Variants in LANCL2 observed in about 807,000 individuals in gnomAD.
The protein encoded by LANCL2 is lanC-like protein 2.
LANCL2 carries 33 observed loss-of-function variants against 56.9 expected under a neutral mutation model. The ratio of observed to expected loss-of-function variants is 0.58; its 90% confidence interval spans 0.44 to 0.78. The LOEUF (loss-of-function observed/expected upper bound fraction) is 0.78. LANCL2 is among the 30% of genes least tolerant of loss of function. LANCL2 has a pLI of 0.00. For missense variants in LANCL2, 562 were observed against 580.2 expected (o/e 0.97, Z 0.32); for synonymous variants, 233 against 228.2 (o/e 1.02, Z -0.19).
At chr7:55,390,185 G>C (rs1790170058) in intron 1 of LANCL2, among the ~76,000 whole-genome samples, 1 of 152,126 alleles carries the variant, frequency 6.6e-6, no homozygotes. Context: ...CCATTAATTT[G>C]CCTATGCTTA....
chr7:55,412,445 A>G (rs1790481834), intron 6 of LANCL2, among the ~76,000 whole-genome samples: 2 of 152,148 alleles, frequency 1.3e-5, no homozygotes, highest in Non-Finnish European at 2.9e-5. Context: ...ATTTTCACAT[A>G]ATTTTATTTT....
intron 1 of LANCL2, among the ~76,000 whole-genome samples, chr7:55,371,434 G>A (rs1393707984): frequency 6.6e-6 from 1 of 152,170 alleles, no homozygotes; most frequent in Non-Finnish European, 1.5e-5. Flanking sequence ...ATGTTGCCCA[G>A]GCTGGTCTCA....
At chr7:55,395,273 C>T (rs747866088) in intron 2 of LANCL2, among the ~76,000 whole-genome samples, 2 of 151,584 alleles carry the variant, frequency 1.3e-5, no homozygotes, top group Non-Finnish European at 2.9e-5. Context: ...GGGAGAAAAA[C>T]GCACCAGGAA....
chr7:55,422,972 G>A (rs1295724232), intron 6 of LANCL2, among the ~76,000 whole-genome samples: 1 of 152,182 alleles, frequency 6.6e-6, no homozygotes, highest in Non-Finnish European at 1.5e-5. Context: ...CCCTGCCTCT[G>A]ACTCCAGAGC....
At chr7:55,410,339 G>A (rs867109112) in intron 5 of LANCL2, among the ~76,000 whole-genome samples, 25 of 152,314 alleles carry the variant, frequency 1.6e-4, no homozygotes, top group Middle Eastern at 6.8e-3. Flanking sequence ...TTCTCTAAGT[G>A]TGTATCAGGA....
chr7:55,418,666 G>A (rs1427587334), intron 6 of LANCL2, among the ~76,000 whole-genome samples: 1 of 152,104 alleles, frequency 6.6e-6, no homozygotes, highest in Non-Finnish European at 1.5e-5. Flanking sequence ...AGGAGCTATA[G>A]TATAATATTG....
At chr7:55,385,653 G>T (rs917652450) in intron 1 of LANCL2, among the ~76,000 whole-genome samples, 4 of 152,270 alleles carry the variant, frequency 2.6e-5, no homozygotes, top group Middle Eastern at 3.4e-3. Context: ...GCAAGTGGAG[G>T]CAGGGCGAGA....
chr7:55,399,893 A>C, intron 3 of LANCL2, 64 bp from the exon 4 acceptor site: 10 of 1,291,584 alleles, frequency 7.7e-6, no homozygotes, highest in Non-Finnish European at 4.4e-6. Context: ...CAACAGGGTT[A>C]GTGTTTCAGG....
chr7:55,398,571 T>C lies in LANCL2; in HGVS notation c.471T>C (p.Val157=), dbSNP rs747980035. The C allele has an allele frequency of 6.2e-7, 1 of 1,614,196 alleles. No homozygotes were observed. Among genetic ancestry groups the C allele is most frequent in the Middle Eastern group, 1.7e-4 (1 of 6,012 alleles). ...GTGGGGATGCTGGCCCCCTGGCTGTTGGAGCTGTGATTTATCACAAACTCA... is the reference window on the plus strand; with the variant it reads ...GTGGGGATGCTGGCCCCCTGGCTGTCGGAGCTGTGATTTATCACAAACTCA... ...FLCGDAGPLA[V]GAVIYHKLRS... Residue 157 remains valine, a synonymous_variant, in exon 3 of 9, where the codon GTT becomes GTC. Coordinates refer to ENST00000254770, the MANE Select transcript of LANCL2 (RefSeq NM_018697.4).
chr7:55,392,913 G>T (rs997676400), intron 2 of LANCL2, among the ~76,000 whole-genome samples: 1 of 152,038 alleles, frequency 6.6e-6, no homozygotes, highest in East Asian at 1.9e-4. Flanking sequence ...TGGTCTCTCT[G>T]TTCTGTGATA....
At chr7:55,375,564 A>T (rs1269868790) in intron 1 of LANCL2, among the ~76,000 whole-genome samples, 1 of 152,184 alleles carries the variant, frequency 6.6e-6, no homozygotes, top group Non-Finnish European at 1.5e-5. Flanking sequence ...CACTTGAAGG[A>T]TTAGCTAAGA....
At chr7:55,412,581 A>G (rs17172478) in intron 6 of LANCL2, among the ~76,000 whole-genome samples, 1,803 of 152,338 alleles carry the variant, frequency 0.012, 38 homozygotes, top group African/African-American at 0.04. Context: ...CTATAGGAAA[A>G]TTGGCTAAAC....
chr7:55,378,527 T>G (rs1790028783), intron 1 of LANCL2, among the ~76,000 whole-genome samples: 1 of 105,292 alleles, frequency 9.5e-6, no homozygotes, highest in Admixed American at 8.1e-5. Flanking sequence ...TGTATATATA[T>G]GTATACGTGT....
intron 2 of LANCL2, among the ~76,000 whole-genome samples, chr7:55,394,957 G>T (rs1790233511): frequency 6.6e-6 from 1 of 152,150 alleles, no homozygotes; most frequent in South Asian, 2.1e-4. Context: ...AGGTGGAGCG[G>T]CATCCTTGCT....
chr7:55,391,943 T>C, intron 2 of LANCL2, 33 bp downstream of exon 2: 1 of 1,151,788 alleles, frequency 8.7e-7, no homozygotes, highest in Non-Finnish European at 1.3e-6. Flanking sequence ...ACTGATACAT[T>C]TTATTCTTAG....
chr7:55,412,891 A>T (rs528174830), intron 6 of LANCL2, among the ~76,000 whole-genome samples: 86 of 152,348 alleles, frequency 5.6e-4, no homozygotes, highest in Middle Eastern at 6.8e-3. Context: ...AGTGGAACTC[A>T]TATTTCTACC....
intron 1 of LANCL2, among the ~76,000 whole-genome samples, chr7:55,384,977 A>G (rs1790108417): frequency 6.6e-6 from 1 of 152,166 alleles, no homozygotes; most frequent in Admixed American, 6.5e-5. Context: ...GCTTGAGCCC[A>G]GGAGTTTGAG....
rs1789858991 is a variant in LANCL2 at position 55,366,052 on chromosome 7, G to T, written c.27G>T (p.Leu9=). ...TGGGCGAGACCATGTCAAAGAGGCT[G>T]AAGCTCCACCTGGGAGGGGAGGCAG... MGETMSKR[L]KLHLGGEAEM... Residue 9 remains leucine (L), a synonymous_variant, in exon 1 of 9, where the codon CTG becomes CTT. Coordinates refer to ENST00000254770, the MANE Select transcript of LANCL2 (RefSeq NM_018697.4). 2.0e-6 allele frequency: 3 copies of T among 1,519,006 alleles called. No homozygotes were observed. The highest frequency in any genetic ancestry group is 2.7e-6 in the Non-Finnish European group (3 of 1,129,054). 94.1% of individuals were successfully genotyped at this position (1,519,006 alleles called of 1,614,324 possible). A position where few individuals can be genotyped will look rare whatever the true frequency, so the allele number is the denominator to read the frequency against.
At chr7:55,417,396 A>G (rs1050679058) in intron 6 of LANCL2, among the ~76,000 whole-genome samples, 1 of 152,142 alleles carries the variant, frequency 6.6e-6, no homozygotes, top group African/African-American at 2.4e-5. Flanking sequence ...CAAATGACCT[A>G]ATAAGCCTGG....
Sources: allele counts gnomAD v4.1 joint callset (sites outside exome capture counted in the v4.1 genomes callset), GRCh38; gene constraint gnomAD v4.1.1; transcripts MANE v1.5; gene names NCBI Gene and HGNC (gene_info 2026-07-23, HGNC 2026-07-21).